The following AASS variants were observed in gnomAD, a reference collection of about 807,000 sequenced individuals.
The protein encoded by AASS is alpha-aminoadipic semialdehyde synthase, mitochondrial.
In AASS, 86 loss-of-function variants were observed where a neutral mutation model predicts 105.4. That is an observed-to-expected ratio of 0.82 (90% CI 0.69 to 0.98). The LOEUF is 0.98. Among genes scored for constraint, AASS ranks in the 50% least tolerant of loss-of-function variants. The pLI is 0.00. For missense variants in AASS, 1,048 were observed against 1,143.2 expected, an observed-to-expected ratio of 0.92 and a Z score of 1.20; for synonymous variants, 381 against 394.8, an observed-to-expected ratio of 0.96 and a Z score of 0.41.
At chr7:122,125,861 A>G (rs1434374468) in intron 4 of AASS, among the ~76,000 whole-genome samples, 1 of 152,224 alleles carries the variant, frequency 6.6e-6, no homozygotes, top group Admixed American at 6.5e-5. Flanking sequence ...TTTTTACATA[A>G]GGAATCTTCT....
Position 122,093,095 on chromosome 7 carries a change from CAT to C in AASS, c.1717_1718del (p.Met573GlyfsTer27). The C allele has an allele frequency of 6.2e-7, 1 of 1,613,902 alleles. No homozygotes were observed. Among genetic ancestry groups the C allele is most frequent in the Non-Finnish European group, 8.5e-7 (1 of 1,179,874 alleles). On this transcript the variant is annotated frameshift_variant, in exon 16 of 24. Coordinates refer to ENST00000417368, the MANE Select transcript of AASS (RefSeq NM_005763.4). LOFTEE classifies it high-confidence loss of function. The part of the protein sequence containing the change: ...AKACITNKVN[M>X]VTASYITPAL... ...CTGGTGTGATGTAGCTTGCAGTGAC[CAT>C]GTTAACTTTGTTTGTGATGCAGGCC... is the stretch of plus-strand genomic sequence containing the variant.
At chr7:122,089,232 T>C (rs556813958) in intron 18 of AASS, among the ~76,000 whole-genome samples, 65 of 152,246 alleles carry the variant, frequency 4.3e-4, no homozygotes, top group African/African-American at 1.5e-3. Flanking sequence ...CTTGAATTAC[T>C]GACTGAATAA....
At chr7:122,136,366 G>A (rs1796139662) in intron 1 of AASS, among the ~76,000 whole-genome samples, 1 of 152,052 alleles carries the variant, frequency 6.6e-6, no homozygotes, top group South Asian at 2.1e-4. Flanking sequence ...AGATGGCCAA[G>A]AAGAAAAAAA....
intron 11 of AASS, among the ~76,000 whole-genome samples, chr7:122,106,178 T>G (rs1426248070): frequency 6.6e-6 from 1 of 152,108 alleles, no homozygotes; most frequent in Non-Finnish European, 1.5e-5. Context: ...TTTGACTTCC[T>G]CTCTTCCTAT....
chr7:122,100,410 A>T (rs1201908233), intron 13 of AASS, among the ~76,000 whole-genome samples: 2 of 151,890 alleles, frequency 1.3e-5, no homozygotes, highest in African/African-American at 2.4e-5. Context: ...TCTCTTATTC[A>T]CAAAGAAAAA....
intron 15 of AASS, among the ~76,000 whole-genome samples, chr7:122,095,521 T>C (rs969549): frequency 0.63 from 95,313 of 151,018 alleles, 32,050 homozygotes; most frequent in African/African-American, 0.89. Flanking sequence ...GAAACAATAT[T>C]ACACTATATC....
At chr7:122,126,778 T>G (rs1435135271) in intron 3 of AASS, among the ~76,000 whole-genome samples, 2 of 152,140 alleles carry the variant, frequency 1.3e-5, no homozygotes, top group Non-Finnish European at 2.9e-5. Context: ...TAAACATGTC[T>G]AAAGCCCCTC....
At chr7:122,127,337 A>G (rs1471139440) in intron 3 of AASS, among the ~76,000 whole-genome samples, 1 of 152,150 alleles carries the variant, frequency 6.6e-6, no homozygotes, top group Non-Finnish European at 1.5e-5. Flanking sequence ...TTAAACAGTA[A>G]TTTTATTTCC....
intron 22 of AASS, among the ~76,000 whole-genome samples, chr7:122,078,259 C>T (rs1227451131): frequency 1.3e-5 from 2 of 151,964 alleles, no homozygotes; most frequent in East Asian, 3.9e-4. Flanking sequence ...AAAAGCGCTG[C>T]TATAGAGGCC....
At chr7:122,116,576 T>C (rs1795187226) in intron 8 of AASS, 57 bp downstream of exon 8, 33 of 1,608,282 alleles carry the variant, frequency 2.1e-5, no homozygotes, top group South Asian at 1.6e-4. Context: ...TCCTTGAAAA[T>C]AGCCTACCTA....
rs760882250 is a variant in AASS at position 122,079,597 on chromosome 7, C to A, written c.2396G>T (p.Trp799Leu). ...TCTAAGTTGAGTGGTGGGTGCCTAC[C>A]ATTCAGCAGCCTCCAACTGGGTATT... ...GDNTQLEAAE[W>L]LGLLGDEQVP... Residue 799 changes from tryptophan (W) to leucine (L), a missense_variant and splice_region_variant, in exon 21 of 24, where the codon TGG (tryptophan) becomes TTG (leucine). By Grantham distance (61) the Trp-to-Leu change is moderately conservative. Transcript: ENST00000417368. The A allele has an allele frequency of 1.2e-6, 2 of 1,603,422 alleles. No homozygotes were observed. The highest frequency in any genetic ancestry group is 1.1e-5 in the South Asian group (1 of 90,860).
intron 11 of AASS, among the ~76,000 whole-genome samples, chr7:122,104,413 T>C (rs919106018): frequency 6.6e-6 from 1 of 152,018 alleles, no homozygotes; most frequent in African/African-American, 2.4e-5. Flanking sequence ...CTGGCCAACA[T>C]GGTGAAACCC....
chr7:122,137,873 C>A (rs994053852), intron 1 of AASS, among the ~76,000 whole-genome samples: 2 of 152,130 alleles, frequency 1.3e-5, no homozygotes, highest in African/African-American at 4.8e-5. Context: ...TACTCACCAC[C>A]AGCTCTAGTG....
At chr7:122,124,611 C>T (rs1020513017) in intron 4 of AASS, among the ~76,000 whole-genome samples, 5 of 152,110 alleles carry the variant, frequency 3.3e-5, no homozygotes, top group African/African-American at 1.2e-4. Context: ...GCAATTAGCA[C>T]TAGCATTGTA....
intron 11 of AASS, among the ~76,000 whole-genome samples, chr7:122,104,187 A>G (rs960073333): frequency 6.6e-6 from 1 of 152,086 alleles, no homozygotes; most frequent in Non-Finnish European, 1.5e-5. Context: ...AAAAAAACAA[A>G]GCTCTACTAT....
intron 19 of AASS, chr7:122,081,820 A>G (rs1025893507): frequency 7.7e-5 from 40 of 519,854 alleles, no homozygotes; most frequent in African/African-American, 7.3e-4. Context: ...ATATAGATAC[A>G]ACCAATTTCA....
Position 122,113,187 on chromosome 7 carries a change from C to G in AASS, c.1209G>C (p.Leu403Phe), listed in dbSNP as rs1222338685. The change falls in exon 11 of 24, where the codon TTG becomes TTC. Residue 403 changes from leucine (L) to phenylalanine (F), a missense_variant. By Grantham distance (22) the Leu-to-Phe change is conservative (BLOSUM62 0). Coordinates refer to ENST00000417368, the MANE Select transcript of AASS (RefSeq NM_005763.4). The part of the protein sequence containing the change: ...SGILMCSIDN[L>F]PAQLPIEATE... ...TAGCTTCAATTGGGAGCTGTGCCGGCAAATTGTCAATGGAACACATCAGGA... is the reference window on the plus strand; with the variant it reads ...TAGCTTCAATTGGGAGCTGTGCCGGGAAATTGTCAATGGAACACATCAGGA... The G allele has an allele frequency of 6.2e-7, 1 of 1,613,910 alleles. No homozygotes were observed. Among genetic ancestry groups the G allele is most frequent in the Admixed American group, 1.7e-5 (1 of 59,998 alleles).
chr7:122,084,235 C>T (rs1793514271), intron 19 of AASS, among the ~76,000 whole-genome samples: 1 of 152,048 alleles, frequency 6.6e-6, no homozygotes, highest in African/African-American at 2.4e-5. Context: ...GCCATAGCTC[C>T]TAGATCTCGG....
rs112726121 is a variant in AASS, at chr7:122,129,328, C to T, written c.387+33G>A. ...AAAAGTAAAAAATATTATTTTTCTA[C>T]ATTAATATTTATAAATATTAATCAC... On this transcript the variant is annotated intron_variant, in intron 3 of 23. Transcript: ENST00000417368. The T allele has an allele frequency of 2.2e-3, 2,970 of 1,359,926 alleles. 41 individuals carry two copies. In the African/African-American group the frequency reaches 0.035, roughly 16 times the overall value. 84.2% of individuals were successfully genotyped at this position (1,359,926 alleles called of 1,614,324 possible). A position where few individuals can be genotyped will look rare whatever the true frequency, so the allele number is the denominator to read the frequency against.
Sources: allele counts gnomAD v4.1 joint callset (sites outside exome capture counted in the v4.1 genomes callset), GRCh38; gene constraint gnomAD v4.1.1; transcripts MANE v1.5; gene names NCBI Gene and HGNC (gene_info 2026-07-23, HGNC 2026-07-21).